The following CREBBP variants were observed in gnomAD, a reference collection of about 807,000 sequenced individuals.
CREBBP encodes CREB binding lysine acetyltransferase.
CREBBP carries 19 observed loss-of-function variants against 265.0 expected under a neutral mutation model. That is an observed-to-expected ratio of 0.07 (90% CI 0.05 to 0.11). The LOEUF (loss-of-function observed/expected upper bound fraction) is 0.11, where lower values mean the gene tolerates loss of function less well. Ranked by LOEUF, CREBBP falls within the 10% of genes least tolerant of loss-of-function variation. The pLI is 1.00. For missense variants in CREBBP, 2,525 were observed against 3,219.0 expected, an observed-to-expected ratio of 0.78 and a Z score of 5.22; for synonymous variants, 1,457 against 1,223.7, an observed-to-expected ratio of 1.19 and a Z score of -3.98.
At chr16:3,875,252 C>T (rs901658052) in intron 1 of CREBBP, among the ~76,000 whole-genome samples, 1 of 152,198 alleles carries the variant, frequency 6.6e-6, no homozygotes, top group African/African-American at 2.4e-5. Context: ...ATGACTTGTC[C>T]TTGCCTACCT....
intron 1 of CREBBP, among the ~76,000 whole-genome samples, chr16:3,868,406 C>G (rs1470677983): frequency 6.7e-6 from 1 of 149,990 alleles, no homozygotes; most frequent in Non-Finnish European, 1.5e-5. Context: ...ATTGTCTACT[C>G]TCCCTACAGA....
chr16:3,773,671 G>C (rs1410753641), intron 13 of CREBBP, 80 bp downstream of exon 13: 2 of 1,443,550 alleles, frequency 1.4e-6, no homozygotes, highest in East Asian at 4.7e-5. Flanking sequence ...TTTCCACGAA[G>C]GAAGACAGAA....
rs370421342 is a variant in CREBBP at position 3,800,942 on chromosome 16, A to G, written c.976-7316T>C. On this transcript the variant is annotated intron_variant, in intron 3 of 30. Transcript: ENST00000262367. ...AAATCTGAAAGACACAAGACAAAAC[A>G]AATCATGATGGAGCTATTATTTTTT... 6.6e-4 allele frequency among the ~76,000 whole-genome samples: 101 copies of G among 152,320 alleles called. No individual in the cohort carries two copies. The East Asian group carries it at 0.014, about 21-fold the overall frequency.
chr16:3,867,118 A>G (rs537523225), intron 1 of CREBBP, among the ~76,000 whole-genome samples: 47 of 152,308 alleles, frequency 3.1e-4, no homozygotes, highest in Non-Finnish European at 6.0e-4. Context: ...AGATATTTCT[A>G]TTTCAACTAT....
rs1019723362 is a variant in CREBBP, at chr16:3,735,138, C to T, written c.4728+898G>A. On this transcript the variant is annotated intron_variant, in intron 28 of 30. Transcript: ENST00000262367. Reference sequence around the variant, plus strand: ...TCCCACCGCCTGGCGGGTCCTCTTCCAGCACCTTCCTGTGGTGGGCGGGTC... The same window carrying T: ...TCCCACCGCCTGGCGGGTCCTCTTCTAGCACCTTCCTGTGGTGGGCGGGTC... 1.4e-4 allele frequency among the ~76,000 whole-genome samples: 21 copies of T among 152,200 alleles called. 1 individual carries two copies. Among genetic ancestry groups the T allele is most frequent in the African/African-American group, 5.1e-4 (21 of 41,450 alleles).
intron 1 of CREBBP, among the ~76,000 whole-genome samples, chr16:3,867,411 G>C (rs2055198300): frequency 6.6e-6 from 1 of 152,142 alleles, no homozygotes; most frequent in Non-Finnish European, 1.5e-5. Flanking sequence ...AGGATGGCTT[G>C]AGCCCAGGAG....
intron 21 of CREBBP, among the ~76,000 whole-genome samples, chr16:3,745,835 G>A (rs1047617866): frequency 2.0e-5 from 3 of 152,226 alleles, no homozygotes; most frequent in Non-Finnish European, 2.9e-5. Context: ...GAGCAGCCAC[G>A]CTAGGCGCGA....
At chr16:3,735,053 C>T (rs188897827) in intron 28 of CREBBP, among the ~76,000 whole-genome samples, 1 of 152,186 alleles carries the variant, frequency 6.6e-6, no homozygotes, top group African/African-American at 2.4e-5. Flanking sequence ...ACAGCCCACA[C>T]CCACGCCACC....
intron 16 of CREBBP, among the ~76,000 whole-genome samples, chr16:3,762,394 C>T (rs1473933728): frequency 7.7e-6 from 1 of 129,966 alleles, no homozygotes; most frequent in African/African-American, 2.9e-5. Context: ...GATGGAGTCT[C>T]GCGCTGTCAC....
At chr16:3,802,060 A>G (rs1329427564) in intron 3 of CREBBP, among the ~76,000 whole-genome samples, 1 of 141,826 alleles carries the variant, frequency 7.1e-6, no homozygotes, top group African/African-American at 2.7e-5. Context: ...TGTATACTCC[A>G]CTGTCAAACT....
chr16:3,730,011 C>T (rs771061134), intron 30 of CREBBP, 137 bp from the exon 31 acceptor site: 248 of 1,417,946 alleles, frequency 1.7e-4, no homozygotes, highest in Middle Eastern at 1.6e-3. Flanking sequence ...AGACAGGATG[C>T]GAGCACGGAC....
chr16:3,757,703 G>C, intron 18 of CREBBP, 106 bp downstream of exon 18: 1 of 1,476,832 alleles, frequency 6.8e-7, no homozygotes. Context: ...ACAGCAGATT[G>C]CACATATGCA....
intron 3 of CREBBP, among the ~76,000 whole-genome samples, chr16:3,802,379 G>T (rs1056021267): frequency 6.6e-6 from 1 of 151,654 alleles, no homozygotes; most frequent in Non-Finnish European, 1.5e-5. Flanking sequence ...TGATCCACCC[G>T]CCTTGGCCTC....
In CREBBP at chr16:3,738,070, G is replaced by T. The variant is rs554383087; in HGVS notation, c.4394+489C>A. 6.3e-4 allele frequency among the ~76,000 whole-genome samples: 96 copies of T among 152,000 alleles called. 1 individual carries two copies. In the South Asian group the frequency reaches 0.02, roughly 31 times the overall value. The stretch of plus-strand genomic sequence containing the variant: ...CAAAGTGCTGAGATTACAGGTGTGA[G>T]CCACCGCGCCCGGCCTTTTTTTTAA... On this transcript the variant is annotated intron_variant, in intron 26 of 30. Coordinates refer to ENST00000262367, the MANE Select transcript of CREBBP (RefSeq NM_004380.3).
intron 2 of CREBBP, 83 bp from the exon 3 acceptor site, chr16:3,810,862 C>T: frequency 7.5e-7 from 1 of 1,330,716 alleles, no homozygotes; most frequent in Non-Finnish European, 1.1e-6. Context: ...ACACAGTTTC[C>T]TATGAAATAC....
chr16:3,777,578 A>T (rs771503782), intron 11 of CREBBP, 35 bp downstream of exon 11: 1 of 1,611,122 alleles, frequency 6.2e-7, no homozygotes, highest in Non-Finnish European at 8.5e-7. Context: ...TTGAATGTAA[A>T]ACTAAAATAT....
In CREBBP at chr16:3,744,978, G is replaced by A. The variant is rs771810319; in HGVS notation, c.3915-17C>T. 15 of 1,575,416 alleles carry A rather than the reference G, an allele frequency of 9.5e-6. No homozygotes were observed. The highest frequency in any genetic ancestry group is 5.0e-5 in the Admixed American group (3 of 59,946). On this transcript the variant is annotated splice_polypyrimidine_tract_variant and intron_variant, in intron 22 of 30. Transcript: ENST00000262367. ...CACACAAAACTGCAAAATAATAGTGGTATGATGAGACTGTATATAATGATG... is the reference window on the plus strand; with the variant it reads ...CACACAAAACTGCAAAATAATAGTGATATGATGAGACTGTATATAATGATG...
At chr16:3,747,250 A>G (rs1213525858) in intron 21 of CREBBP, among the ~76,000 whole-genome samples, 2 of 152,192 alleles carry the variant, frequency 1.3e-5, no homozygotes, top group Non-Finnish European at 2.9e-5. Context: ...TTACACTAGA[A>G]CCAGTGCTAT....
Position 3,798,084 on chromosome 16 carries a change from C to T in CREBBP, c.976-4458G>A, listed in dbSNP as rs1173738849. 3.9e-5 allele frequency among the ~76,000 whole-genome samples: 6 copies of T among 152,242 alleles called. No individual in the cohort carries two copies. The East Asian group carries it at 5.8e-4, about 15-fold the overall frequency. On this transcript the variant is annotated intron_variant, in intron 3 of 30. Coordinates refer to ENST00000262367, the MANE Select transcript of CREBBP (RefSeq NM_004380.3). The stretch of plus-strand genomic sequence containing the variant: ...GAGGCAACACAAGGGAGGGAGGGAT[C>T]GTTTCTCAATGACAATGAGGAGGAG...
Sources: gnomAD v4.1 joint callset for allele counts (sites outside exome capture counted in the v4.1 genomes callset) on GRCh38, gnomAD v4.1.1 for gene constraint, MANE v1.5 for transcripts, NCBI Gene and HGNC (gene_info 2026-07-23, HGNC 2026-07-21) for gene names.